The following FOLH1 variants were observed in gnomAD, a reference collection of about 807,000 sequenced individuals.
FOLH1 encodes glutamate carboxypeptidase 2.
In FOLH1, 54 loss-of-function variants were observed where a neutral mutation model predicts 93.9. The observed-to-expected ratio is 0.57, with a 90% CI of 0.46 to 0.72. The LOEUF (loss-of-function observed/expected upper bound fraction) is 0.72. FOLH1 is among the 30% of genes least tolerant of loss of function. The pLI is 0.00. For missense variants in FOLH1, 571 were observed against 892.5 expected (o/e 0.64, Z 4.59); for synonymous variants, 249 against 303.6 (o/e 0.82, Z 1.87).
intron 17 of FOLH1, among the ~76,000 whole-genome samples, chr11:49,150,240 TA>T (rs1856348148): frequency 6.6e-6 from 1 of 152,208 alleles, no homozygotes; most frequent in Admixed American, 6.5e-5. Context: ...ATGTCAATTG[TA>T]AATTTTAACA....
At chr11:49,176,181 G>A (rs999304940) in intron 7 of FOLH1, among the ~76,000 whole-genome samples, 2 of 152,106 alleles carry the variant, frequency 1.3e-5, no homozygotes, top group African/African-American at 4.8e-5. Flanking sequence ...CCAAAGTCAT[G>A]CAACTAGTAA....
intron 12 of FOLH1, among the ~76,000 whole-genome samples, chr11:49,165,949 C>T (rs1451728148): frequency 3.9e-5 from 6 of 152,088 alleles, no homozygotes; most frequent in South Asian, 4.1e-4. Context: ...AATTTAATTG[C>T]CCACATCTGA....
intron 4 of FOLH1, among the ~76,000 whole-genome samples, chr11:49,188,387 G>A (rs190204806): frequency 3.2e-4 from 48 of 151,676 alleles, no homozygotes; most frequent in African/African-American, 1.0e-3. Context: ...TGGTGGCACC[G>A]CCTGTAATCC....
intron 4 of FOLH1, among the ~76,000 whole-genome samples, chr11:49,189,158 C>A (rs1253785568): frequency 6.6e-6 from 1 of 152,112 alleles, no homozygotes; most frequent in African/African-American, 2.4e-5. Flanking sequence ...GACCTCACGA[C>A]AGGCTAGCTT....
In FOLH1 at chr11:49,164,740, G is replaced by A. The variant is rs1175130639; in HGVS notation, c.1405C>T (p.Leu469=). ...AGGTTGTGTACCAAGCTGTACATCA[G>A]CGGTGTACAATCAACTCTCAGAGTG... The part of the protein sequence containing the change: ...NYTLRVDCTP[L]MYSLVHNLTK... The change falls in exon 13 of 19, where the codon CTG becomes TTG. Residue 469 remains leucine (L), a synonymous_variant. Transcript: ENST00000256999. The A allele has an allele frequency of 6.2e-7, 1 of 1,605,640 alleles. No individual in the cohort carries two copies. The highest frequency in any genetic ancestry group is 8.5e-7 in the Non-Finnish European group (1 of 1,174,216).
chr11:49,177,996 C>CA (rs1860293411), intron 7 of FOLH1, among the ~76,000 whole-genome samples: 2 of 151,564 alleles, frequency 1.3e-5, no homozygotes, highest in Admixed American at 6.6e-5. Flanking sequence ...AAAAAGGCTA[C>CA]CTGGGGGCCA....
intron 18 of FOLH1, among the ~76,000 whole-genome samples, chr11:49,147,562 G>A (rs193058178): frequency 1.3e-5 from 2 of 152,144 alleles, no homozygotes; most frequent in East Asian, 1.9e-4. Context: ...GGCAGAAAAT[G>A]TTTTATAGAA....
intron 17 of FOLH1, among the ~76,000 whole-genome samples, chr11:49,153,423 T>G (rs1856676996): frequency 6.6e-6 from 1 of 151,496 alleles, no homozygotes; most frequent in Admixed American, 6.6e-5. Flanking sequence ...TGAGTTATGA[T>G]GTACAGATAC....
At chr11:49,162,694 T>C (rs1857842750) in intron 13 of FOLH1, 1 of 152,284 alleles carries the variant, frequency 6.6e-6, no homozygotes, top group African/African-American at 2.4e-5. Flanking sequence ...GTTTTCAATG[T>C]TCTTGTACTG....
At chr11:49,169,098 A>G in intron 12 of FOLH1, 97 bp downstream of exon 12, 2 of 1,396,790 alleles carry the variant, frequency 1.4e-6, no homozygotes, top group South Asian at 1.2e-5. Flanking sequence ...CTAACCACAC[A>G]TTAATGCATA....
chr11:49,204,596 A>G (rs1863654429), intron 2 of FOLH1, among the ~76,000 whole-genome samples: 1 of 152,162 alleles, frequency 6.6e-6, no homozygotes, highest in Admixed American at 6.5e-5. Context: ...GTTTTCCACA[A>G]AGATAAAGAA....
intron 14 of FOLH1, 21 bp downstream of exon 14, chr11:49,157,931 A>G (rs776630364): frequency 9.6e-6 from 15 of 1,555,852 alleles, no homozygotes; most frequent in Non-Finnish European, 1.2e-5. Context: ...AATTCAGTGG[A>G]AACTTCATTC....
chr11:49,174,997 C>T lies in FOLH1; in HGVS notation c.1020-20G>A. The T allele has an allele frequency of 6.3e-7, 1 of 1,586,942 alleles. No individual in the cohort carries two copies. Among genetic ancestry groups the T allele is most frequent in the African/African-American group, 1.4e-5 (1 of 73,314 alleles). On this transcript the variant is annotated intron_variant, in intron 8 of 18. Transcript: ENST00000256999. ...ACTTTTCTAATGCAAAAATAAAAGA[C>T]ATTCTTAAAAAAAAAAACTGGTTAA...
intron 10 of FOLH1, among the ~76,000 whole-genome samples, chr11:49,172,184 G>A (rs1859405887): frequency 6.6e-6 from 1 of 151,756 alleles, no homozygotes; most frequent in African/African-American, 2.4e-5. Context: ...CATTTCTTTG[G>A]CATATTCTGT....
chr11:49,187,192 C>T (rs1313007550), intron 4 of FOLH1, among the ~76,000 whole-genome samples: 1 of 152,078 alleles, frequency 6.6e-6, no homozygotes. Flanking sequence ...TTAACAACCA[C>T]CAAGTAAAGA....
At position 49,208,360 on chromosome 11, in the gene FOLH1, C is replaced by A; in HGVS notation, c.50G>T (p.Arg17Leu). 1 of 1,601,994 alleles carries A rather than the reference C, an allele frequency of 6.2e-7. No individual in the cohort carries two copies. Among genetic ancestry groups the A allele is most frequent in the Admixed American group, 1.7e-5 (1 of 59,002 alleles). The change falls in exon 1 of 19, where the codon CGC (arginine) becomes CTC (leucine). Residue 17 changes from arginine (R) to leucine (L), a missense_variant. Transcript: ENST00000256999. ...ETDSAVATARRPRWLCAGALV... is the reference protein window; with the variant it reads ...ETDSAVATARLPRWLCAGALV... ...CGCCCCAGCGCACAGCCAGCGCGGGCGGCGCGCGGTGGCCACAGCCGAGTC... is the reference window on the plus strand; with the variant it reads ...CGCCCCAGCGCACAGCCAGCGCGGGAGGCGCGCGGTGGCCACAGCCGAGTC...
At position 49,186,759 on chromosome 11, in the gene FOLH1, ACTAGATCGCC is replaced by A; in HGVS notation, c.514_523del (p.Gly172CysfsTer18). The A allele has an allele frequency of 6.2e-7, 1 of 1,610,220 alleles. No homozygotes were observed. Among genetic ancestry groups the A allele is most frequent in the Admixed American group, 1.7e-5 (1 of 59,310 alleles). On this transcript the variant is annotated frameshift_variant and splice_region_variant, in exon 5 of 19. Coordinates refer to ENST00000256999, the MANE Select transcript of FOLH1 (RefSeq NM_004476.3). ...TTCAGTTCGTGCATAGTTAACATACACTAGATCGCCCTGTTGAGATCGGGAATGACTTAAT... is the reference window on the plus strand; with the variant it reads ...TTCAGTTCGTGCATAGTTAACATACACTGTTGAGATCGGGAATGACTTAAT...
intron 7 of FOLH1, among the ~76,000 whole-genome samples, chr11:49,181,861 T>C (rs1036739272): frequency 6.6e-6 from 1 of 152,122 alleles, no homozygotes; most frequent in Non-Finnish European, 1.5e-5. Flanking sequence ...GACGTCAGCC[T>C]CCTCACCTCT....
chr11:49,156,588 T>C (rs150207526), intron 15 of FOLH1, 129 bp downstream of exon 15: 12,760 of 966,774 alleles, frequency 0.013, 831 homozygotes, highest in Admixed American at 0.13. Context: ...CTGTCAACCA[T>C]TGAGACTTCT....
Sources: allele counts gnomAD v4.1 joint callset (sites outside exome capture counted in the v4.1 genomes callset), GRCh38; gene constraint gnomAD v4.1.1; transcripts MANE v1.5; gene names NCBI Gene and HGNC (gene_info 2026-07-23, HGNC 2026-07-21).